Variants in B4GALT6 observed in about 807,000 individuals in gnomAD.
B4GALT6 encodes beta-1,4-galactosyltransferase 6, also known as UDP-Gal:beta-GlcNAc beta-1,4-galactosyltransferase 6.
B4GALT6 carries 14 observed loss-of-function variants against 46.3 expected under a neutral mutation model. The observed-to-expected ratio is 0.30, with a 90% confidence interval of 0.20 to 0.47. The LOEUF is 0.47. Ranked by LOEUF, B4GALT6 falls within the 20% of genes least tolerant of loss-of-function variation. The pLI is 0.99. For synonymous variants in B4GALT6, 168 were observed against 162.0 expected (o/e 1.04, Z -0.28); for missense variants, 386 against 480.1 (o/e 0.80, Z 1.83).
the B4GALT6 span, among the ~76,000 whole-genome samples, chr18:31,699,259 G>A: frequency 7.5e-6 from 1 of 134,014 alleles, no homozygotes; most frequent in African/African-American, 2.8e-5. Flanking sequence ...GCAATAGACA[G>A]ATATTTCTTT....
intron 1 of B4GALT6, among the ~76,000 whole-genome samples, chr18:31,677,118 T>C (rs889522642): frequency 6.6e-6 from 1 of 152,134 alleles, no homozygotes; most frequent in African/African-American, 2.4e-5. Context: ...TTTCACTAAT[T>C]CAAGTAATTA....
intron 3 of B4GALT6, among the ~76,000 whole-genome samples, chr18:31,649,004 C>G (rs1285217700): frequency 6.6e-6 from 1 of 152,138 alleles, no homozygotes; most frequent in Non-Finnish European, 1.5e-5. Flanking sequence ...AGAGAAAGAC[C>G]TGAATTTCCC....
chr18:31,631,211 T>TTTTC, intron 5 of B4GALT6, 65 bp from the exon 6 acceptor site: 1 of 1,467,562 alleles, frequency 6.8e-7, no homozygotes, highest in Non-Finnish European at 9.1e-7. Flanking sequence ...TTTTTTTTTT[T>TTTTC]TTTTCTTTTT....
chr18:31,711,112 C>T, the B4GALT6 span, among the ~76,000 whole-genome samples: 1 of 152,204 alleles, frequency 6.6e-6, no homozygotes, highest in African/African-American at 2.4e-5. Context: ...ACAAAGGTGT[C>T]ACTCTGTCCC....
At chr18:31,635,387 T>G (rs1165027303) in intron 5 of B4GALT6, among the ~76,000 whole-genome samples, 1 of 152,170 alleles carries the variant, frequency 6.6e-6, no homozygotes, top group Non-Finnish European at 1.5e-5. Context: ...TGAAAGTAGA[T>G]GAGAATTTCC....
chr18:31,632,213 AT>A (rs1411021282), intron 5 of B4GALT6, among the ~76,000 whole-genome samples: 2 of 152,130 alleles, frequency 1.3e-5, no homozygotes, highest in Non-Finnish European at 2.9e-5. Context: ...AAAATTACTA[AT>A]TTTTAGTCCT....
chr18:31,659,020 C>A (rs987719425), intron 2 of B4GALT6, among the ~76,000 whole-genome samples: 5 of 152,134 alleles, frequency 3.3e-5, no homozygotes, highest in African/African-American at 1.2e-4. Context: ...CCATGACACA[C>A]AGGTTTCCTG....
intron 3 of B4GALT6, among the ~76,000 whole-genome samples, chr18:31,653,427 C>A (rs2074099174): frequency 1.4e-5 from 2 of 146,582 alleles, no homozygotes; most frequent in South Asian, 2.2e-4. Context: ...ACATTCATAA[C>A]CTTTTTTCTT....
At chr18:31,687,687 A>G (rs2029973966), upstream of B4GALT6, among the ~76,000 whole-genome samples, 1 of 152,218 alleles carries the variant, frequency 6.6e-6, no homozygotes, top group Admixed American at 6.5e-5. Flanking sequence ...GCTTTGTTCT[A>G]AGTTTATTAC....
rs188144315 is a variant in B4GALT6 at position 31,636,982 on chromosome 18, G to A, written c.588+1662C>T. ...ATTACAGGTGCCTGCCACCATGCCC[G>A]GCTAATTTTTGTATTTTTAGTAGAG... On this transcript the variant is annotated intron_variant, in intron 5 of 8. Coordinates refer to ENST00000306851, the MANE Select transcript of B4GALT6 (RefSeq NM_004775.5). Among the ~76,000 whole-genome samples, 29 of 152,114 alleles carry A rather than the reference G, an allele frequency of 1.9e-4. No individual in the cohort carries two copies. In the East Asian group the frequency reaches 3.3e-3, roughly 17 times the overall value.
the B4GALT6 span, among the ~76,000 whole-genome samples, chr18:31,697,295 GAGAC>G: frequency 6.6e-6 from 1 of 151,940 alleles, no homozygotes; most frequent in Non-Finnish European, 1.5e-5. Context: ...GAGAGAGAGA[GAGAC>G]AGAGAGCCAG....
At chr18:31,686,905 G>C (rs375362526), upstream of B4GALT6, 10 of 152,334 alleles carry the variant, frequency 6.6e-5, no homozygotes, top group African/African-American at 2.4e-4. Flanking sequence ...TGCTGACCTA[G>C]TGGTAGACCA....
At chr18:31,644,432 C>G (rs2144578947) in intron 4 of B4GALT6, among the ~76,000 whole-genome samples, 1 of 151,618 alleles carries the variant, frequency 6.6e-6, no homozygotes, top group African/African-American at 2.4e-5. Context: ...TTCCTTCCTA[C>G]TAGTGGTTTT....
the B4GALT6 span, chr18:31,724,583 G>T: frequency 9.4e-7 from 1 of 1,060,622 alleles, no homozygotes; most frequent in South Asian, 3.4e-5. Context: ...TCTTGGACAC[G>T]GATTCAGCTG....
intron 4 of B4GALT6, among the ~76,000 whole-genome samples, chr18:31,641,850 T>C (rs2073934342): frequency 1.3e-5 from 2 of 152,182 alleles, no homozygotes; most frequent in Non-Finnish European, 2.9e-5. Flanking sequence ...GAGGAGAACA[T>C]CAAGAAAAAT....
At chr18:31,690,267 G>C (rs1414481830), upstream of B4GALT6, among the ~76,000 whole-genome samples, 2 of 151,918 alleles carry the variant, frequency 1.3e-5, no homozygotes, top group Non-Finnish European at 2.9e-5. Context: ...GAGTAGCTGG[G>C]ATTACAGGTG....
At chr18:31,687,408 C>A (rs1241461124), upstream of B4GALT6, among the ~76,000 whole-genome samples, 4 of 152,188 alleles carry the variant, frequency 2.6e-5, no homozygotes, top group Non-Finnish European at 5.9e-5. Flanking sequence ...TTAAGTCTGT[C>A]TCTCATAGTC....
At chr18:31,670,275 G>A (rs368616006) in intron 1 of B4GALT6, among the ~76,000 whole-genome samples, 3 of 151,930 alleles carry the variant, frequency 2.0e-5, no homozygotes, top group South Asian at 2.1e-4. Flanking sequence ...GGCTGGTCTC[G>A]AACTCCTGAG....
chr18:31,643,898 C>T (rs1386042423), intron 4 of B4GALT6, among the ~76,000 whole-genome samples: 1 of 152,176 alleles, frequency 6.6e-6, no homozygotes, highest in Non-Finnish European at 1.5e-5. Flanking sequence ...TCCATGCTAT[C>T]CCACAGCCTC....
Sources: gnomAD v4.1 joint callset for allele counts (sites outside exome capture counted in the v4.1 genomes callset) on GRCh38, gnomAD v4.1.1 for gene constraint, MANE v1.5 for transcripts, NCBI Gene and HGNC (gene_info 2026-07-23, HGNC 2026-07-21) for gene names.